Variants in CSMD1 observed in about 807,000 individuals in gnomAD.
CSMD1 encodes CUB and sushi domain-containing protein 1.
In CSMD1, 213 loss-of-function variants were observed where a neutral mutation model predicts 417.5. The observed-to-expected ratio is 0.51, with a 90% CI of 0.46 to 0.57. The LOEUF (loss-of-function observed/expected upper bound fraction) is 0.57, where lower values mean the gene tolerates loss of function less well. Ranked by LOEUF, CSMD1 falls within the 20% of genes least tolerant of loss-of-function variation. The pLI is 0.00. For synonymous variants in CSMD1, 2,862 were observed against 1,736.8 expected, an observed-to-expected ratio of 1.65 and a Z score of -16.11; for missense variants, 6,923 against 4,529.7, an observed-to-expected ratio of 1.53 and a Z score of -15.17.
chr8:4,088,047 C>G (rs569045750), intron 3 of CSMD1, among the ~76,000 whole-genome samples: 1 of 152,238 alleles, frequency 6.6e-6, no homozygotes, highest in East Asian at 1.9e-4. Context: ...CCCCCAGCAC[C>G]ATGACCTTTG....
At chr8:4,887,718 C>T (rs1213177418) in intron 1 of CSMD1, among the ~76,000 whole-genome samples, 8 of 151,766 alleles carry the variant, frequency 5.3e-5, no homozygotes, top group African/African-American at 1.5e-4. Context: ...TTGGTAGGTG[C>T]ATATATATTT....
chr8:4,412,045 C>G (rs915421444), intron 3 of CSMD1, among the ~76,000 whole-genome samples: 3 of 151,300 alleles, frequency 2.0e-5, no homozygotes, highest in Non-Finnish European at 4.4e-5. Context: ...AGCTAAATAT[C>G]TCAATGTGCC....
chr8:4,832,494 C>G (rs760732505), intron 1 of CSMD1, among the ~76,000 whole-genome samples: 1 of 152,120 alleles, frequency 6.6e-6, no homozygotes, highest in Non-Finnish European at 1.5e-5. Flanking sequence ...AGTAAGGGGA[C>G]TTCTCTAGGC....
At chr8:4,239,650 G>A (rs147225212) in intron 3 of CSMD1, among the ~76,000 whole-genome samples, 35 of 152,266 alleles carry the variant, frequency 2.3e-4, no homozygotes, top group South Asian at 6.2e-4. Context: ...AGCCATGCTC[G>A]GGGTCACAGA....
intron 5 of CSMD1, among the ~76,000 whole-genome samples, chr8:3,879,228 A>T (rs1806043979): frequency 1.3e-5 from 2 of 152,196 alleles, no homozygotes; most frequent in Non-Finnish European, 2.9e-5. Flanking sequence ...GTATTTATAC[A>T]CTATACCTGT....
intron 10 of CSMD1, among the ~76,000 whole-genome samples, chr8:3,529,907 C>A (rs545397259): frequency 7.8e-4 from 118 of 152,238 alleles, no homozygotes; most frequent in Non-Finnish European, 7.9e-4. Flanking sequence ...AAAGCCGAGG[C>A]CTTTCTAGTC....
chr8:3,808,564 G>T (rs1218647559), intron 5 of CSMD1, among the ~76,000 whole-genome samples: 1 of 152,110 alleles, frequency 6.6e-6, no homozygotes. Context: ...TTATGATATG[G>T]GGAGAATCCT....
At chr8:3,745,842 T>A (rs1797040833) in intron 6 of CSMD1, among the ~76,000 whole-genome samples, 1 of 152,222 alleles carries the variant, frequency 6.6e-6, no homozygotes, top group Admixed American at 6.5e-5. Context: ...CAGCTGTGAA[T>A]AATCTGTGGT....
At chr8:3,966,025 G>T (rs571119676) in intron 5 of CSMD1, among the ~76,000 whole-genome samples, 2 of 152,308 alleles carry the variant, frequency 1.3e-5, no homozygotes, top group African/African-American at 4.8e-5. Context: ...TTAGAAAGAA[G>T]CAGAAGACAC....
At chr8:4,813,469 T>A (rs1477628064) in intron 1 of CSMD1, among the ~76,000 whole-genome samples, 1 of 152,166 alleles carries the variant, frequency 6.6e-6, no homozygotes, top group South Asian at 2.1e-4. Context: ...ACAGAACGTA[T>A]CAAAAAATAA....
At chr8:4,650,200 C>G (rs1357406089) in intron 1 of CSMD1, among the ~76,000 whole-genome samples, 2 of 151,790 alleles carry the variant, frequency 1.3e-5, no homozygotes, top group Admixed American at 6.6e-5. Flanking sequence ...AAAAAATTAG[C>G]CGGGTGTGGT....
intron 1 of CSMD1, among the ~76,000 whole-genome samples, chr8:4,728,138 C>G (rs979645113): frequency 4.8e-5 from 7 of 145,640 alleles, no homozygotes; most frequent in African/African-American, 1.8e-4. Flanking sequence ...AAGATCATAC[C>G]TATATATCAA....
chr8:3,584,127 G>C (rs140478722), intron 9 of CSMD1, among the ~76,000 whole-genome samples: 247 of 152,080 alleles, frequency 1.6e-3, no homozygotes, highest in African/African-American at 5.4e-3. Context: ...AAATTTATTA[G>C]AAGTAATAAA....
intron 3 of CSMD1, among the ~76,000 whole-genome samples, chr8:4,250,904 C>T (rs1046058929): frequency 2.6e-5 from 4 of 152,044 alleles, no homozygotes; most frequent in African/African-American, 9.7e-5. Flanking sequence ...ACCTCTTAAA[C>T]AATAAGGTCT....
At chr8:4,088,594 G>A (rs1026336773) in intron 3 of CSMD1, among the ~76,000 whole-genome samples, 4 of 152,034 alleles carry the variant, frequency 2.6e-5, no homozygotes, top group Non-Finnish European at 4.4e-5. Context: ...CCTCCCACAT[G>A]TATTCTCTCT....
chr8:4,648,064 C>G (rs1246488262), intron 1 of CSMD1, among the ~76,000 whole-genome samples: 1 of 152,188 alleles, frequency 6.6e-6, no homozygotes, highest in Non-Finnish European at 1.5e-5. Flanking sequence ...TCTCCACAGT[C>G]TCACAAGCAT....
intron 1 of CSMD1, among the ~76,000 whole-genome samples, chr8:4,672,990 A>G (rs1457330234): frequency 6.6e-6 from 1 of 151,864 alleles, no homozygotes; most frequent in African/African-American, 2.4e-5. Flanking sequence ...AGTGGCATAC[A>G]CATATGCATG....
rs542777095 is a variant in CSMD1, at chr8:4,911,330, A to G, written c.85+83002T>C. 7.2e-5 allele frequency among the ~76,000 whole-genome samples: 11 copies of G among 152,348 alleles called. No homozygotes were observed. In the South Asian group the frequency reaches 2.1e-3, roughly 29 times the overall value. On this transcript the variant is annotated intron_variant, in intron 1 of 69. Coordinates refer to ENST00000635120, the MANE Select transcript of CSMD1 (RefSeq NM_033225.6). ...GTGCTGAGAGAATAACTTAACCAAT[A>G]TGCAGATGAAAGACAATTATTTTTG... is the stretch of plus-strand genomic sequence containing the variant.
chr8:4,767,960 G>A (rs528220355), intron 1 of CSMD1, among the ~76,000 whole-genome samples: 5 of 152,260 alleles, frequency 3.3e-5, no homozygotes, highest in South Asian at 2.1e-4. Context: ...ACTCGAGGGC[G>A]TGGGTCAATC....
Sources: allele counts gnomAD v4.1 joint callset (sites outside exome capture counted in the v4.1 genomes callset), GRCh38; gene constraint gnomAD v4.1.1; transcripts MANE v1.5; gene names NCBI Gene and HGNC (gene_info 2026-07-23, HGNC 2026-07-21).